SDK1: variants seen among roughly 807,000 people sequenced by gnomAD.
SDK1 encodes protein sidekick-1.
In SDK1, 157 loss-of-function variants were observed where a neutral mutation model predicts 245.5. That is an observed-to-expected ratio of 0.64 (90% CI 0.56 to 0.73). The LOEUF is 0.73. Ranked by LOEUF, SDK1 falls within the 30% of genes least tolerant of loss-of-function variation. The pLI is 0.00. For missense variants in SDK1, 3,583 were observed against 3,002.3 expected (o/e 1.19, Z -4.52); for synonymous variants, 1,647 against 1,278.5 (o/e 1.29, Z -6.15).
Position 3,561,398 on chromosome 7 carries a change from T to C in SDK1, c.299-57682T>C, listed in dbSNP as rs189595961. Among the ~76,000 whole-genome samples, 366 of 152,326 alleles carry C rather than the reference T, an allele frequency of 2.4e-3. 3 individuals carry two copies. Among genetic ancestry groups the C allele is most frequent in the South Asian group, 0.018 (85 of 4,820 alleles). ...AAGAAAGACACTGTCTCCTCTCTGG[T>C]CACTTGTTTGTTCCTGGGTTTCATA... On this transcript the variant is annotated intron_variant, in intron 1 of 44. Coordinates refer to ENST00000404826, the MANE Select transcript of SDK1 (RefSeq NM_152744.4).
intron 1 of SDK1, among the ~76,000 whole-genome samples, chr7:3,601,627 G>C (rs1343017673): frequency 6.6e-6 from 1 of 150,888 alleles, no homozygotes; most frequent in South Asian, 2.1e-4. Context: ...AGGTTTATCA[G>C]TTTTTTTCTC....
intron 21 of SDK1, among the ~76,000 whole-genome samples, chr7:4,078,358 C>T (rs377691428): frequency 6.6e-6 from 1 of 152,162 alleles, no homozygotes; most frequent in East Asian, 1.9e-4. Flanking sequence ...TTTAAAAATC[C>T]AGAGAGCTGA....
rs1384398002 is a variant in SDK1 at position 3,484,458 on chromosome 7, G to C, written c.299-134622G>C. On this transcript the variant is annotated intron_variant, in intron 1 of 44. Coordinates refer to ENST00000404826, the MANE Select transcript of SDK1 (RefSeq NM_152744.4). Reference sequence around the variant, plus strand: ...GGTCCTGGAACTAGTTCCCCATGTAGACCGAGGAACGGCTATATTTTCAGT... The same window carrying C: ...GGTCCTGGAACTAGTTCCCCATGTACACCGAGGAACGGCTATATTTTCAGT... 2.6e-5 allele frequency among the ~76,000 whole-genome samples: 4 copies of C among 152,178 alleles called. No homozygotes were observed. In the East Asian group the frequency reaches 5.8e-4, roughly 22 times the overall value.
chr7:4,122,322 G>A (rs1289442731), intron 25 of SDK1, among the ~76,000 whole-genome samples: 1 of 152,164 alleles, frequency 6.6e-6, no homozygotes, highest in Admixed American at 6.5e-5. Flanking sequence ...ATGGGGGGAG[G>A]CAGGGATGAG....
intron 4 of SDK1, among the ~76,000 whole-genome samples, chr7:3,727,365 G>T (rs930971416): frequency 9.2e-5 from 14 of 152,192 alleles, no homozygotes; most frequent in Non-Finnish European, 1.9e-4. Context: ...ATTCTGGAGA[G>T]AAAGTCTGAT....
intron 2 of SDK1, among the ~76,000 whole-genome samples, chr7:3,634,822 CTA>C (rs1157768800): frequency 6.6e-6 from 1 of 152,162 alleles, no homozygotes; most frequent in Non-Finnish European, 1.5e-5. Flanking sequence ...AATTTTGTCT[CTA>C]TTTCTGCTTC....
rs139658055 is a variant in SDK1 at position 4,019,571 on chromosome 7, C to G, written c.2602+2219C>G. On this transcript the variant is annotated intron_variant, in intron 17 of 44. Coordinates refer to ENST00000404826, the MANE Select transcript of SDK1 (RefSeq NM_152744.4). ...TTTCCCATATGTGATGAGAACCTGA[C>G]TTCGATTGGTCCAAATCTGGTTCAT... 2.0e-5 allele frequency among the ~76,000 whole-genome samples: 3 copies of G among 151,912 alleles called. No individual in the cohort carries two copies. In the South Asian group the frequency reaches 6.2e-4, roughly 32 times the overall value.
intron 13 of SDK1, among the ~76,000 whole-genome samples, chr7:3,986,305 A>G (rs1783821674): frequency 6.6e-6 from 1 of 151,846 alleles, no homozygotes; most frequent in South Asian, 2.1e-4. Context: ...ATGGGATTTT[A>G]GTGAGTGGTT....
intron 7 of SDK1, among the ~76,000 whole-genome samples, chr7:3,955,021 G>A (rs1032636471): frequency 1.3e-5 from 2 of 151,930 alleles, no homozygotes. Flanking sequence ...GCACCTTAGT[G>A]CCTGTGAGAT....
chr7:3,526,711 C>G (rs1039831162), intron 1 of SDK1, among the ~76,000 whole-genome samples: 1 of 152,128 alleles, frequency 6.6e-6, no homozygotes, highest in Non-Finnish European at 1.5e-5. Flanking sequence ...CAATCTGTCT[C>G]ATTTGTGTAT....
intron 1 of SDK1, among the ~76,000 whole-genome samples, chr7:3,460,832 A>C (rs1450294148): frequency 6.6e-6 from 1 of 152,182 alleles, no homozygotes; most frequent in Non-Finnish European, 1.5e-5. Flanking sequence ...TAGGTTATTC[A>C]TATTTCCTGC....
chr7:4,075,386 C>A (rs1010240535), intron 20 of SDK1, among the ~76,000 whole-genome samples: 1 of 152,156 alleles, frequency 6.6e-6, no homozygotes, highest in African/African-American at 2.4e-5. Flanking sequence ...TTCTTGTTTA[C>A]CTGCAAGTGC....
At chr7:4,049,488 GT>G in intron 18 of SDK1, 25 bp downstream of exon 18, 1 of 1,544,546 alleles carries the variant, frequency 6.5e-7, no homozygotes, top group Non-Finnish European at 9.0e-7. Flanking sequence ...TTCAGGGCCT[GT>G]GGGCAGCTGT....
At chr7:4,194,671 G>C (rs1395804519) in intron 35 of SDK1, among the ~76,000 whole-genome samples, 1 of 152,284 alleles carries the variant, frequency 6.6e-6, no homozygotes, top group African/African-American at 2.4e-5. Flanking sequence ...GGCTAGGCCA[G>C]TCTCACTCAT....
intron 1 of SDK1, among the ~76,000 whole-genome samples, chr7:3,403,783 C>T (rs368685319): frequency 7.3e-6 from 1 of 136,662 alleles, no homozygotes; most frequent in Non-Finnish European, 1.6e-5. Context: ...TACTGGGGTA[C>T]TCTGTTTCCA....
Position 4,019,658 on chromosome 7 carries a change from C to T in SDK1, c.2602+2306C>T, listed in dbSNP as rs548668511. 1.1e-4 allele frequency among the ~76,000 whole-genome samples: 17 copies of T among 152,026 alleles called. 1 individual carries two copies. The South Asian group carries it at 1.7e-3, about 15-fold the overall frequency. ...GTGAACGTTAGTGGATAATGCTGCA[C>T]GTGCAGTTTCCCATCTGCAGCTCGG... On this transcript the variant is annotated intron_variant, in intron 17 of 44. Coordinates refer to ENST00000404826, the MANE Select transcript of SDK1 (RefSeq NM_152744.4).
rs184512469 is a variant in SDK1, at chr7:4,118,863, A to G, written c.3823+4589A>G. Among the ~76,000 whole-genome samples, 87 of 149,056 alleles carry G rather than the reference A, an allele frequency of 5.8e-4. 6 individuals are homozygous for G. The highest frequency in any genetic ancestry group is 2.3e-3 in the Admixed American group (35 of 15,018). ...TTGTGTGATTCTATTTGTAGGAAAC[A>G]TCTAGAATAGGCAAATCTAGAGAGG... On this transcript the variant is annotated intron_variant, in intron 25 of 44. Transcript: ENST00000404826.
intron 17 of SDK1, among the ~76,000 whole-genome samples, chr7:4,032,264 A>G (rs1413102551): frequency 1.3e-5 from 2 of 152,222 alleles, no homozygotes; most frequent in African/African-American, 4.8e-5. Flanking sequence ...CCAAGAATGC[A>G]GTTTTGATAT....
At chr7:3,861,081 T>C (rs1488455034) in intron 5 of SDK1, among the ~76,000 whole-genome samples, 2 of 152,170 alleles carry the variant, frequency 1.3e-5, no homozygotes. Flanking sequence ...ATGTCCAAGC[T>C]CTGTAACCCT....
Sources: gnomAD v4.1 joint callset for allele counts (sites outside exome capture counted in the v4.1 genomes callset) on GRCh38, gnomAD v4.1.1 for gene constraint, MANE v1.5 for transcripts, NCBI Gene and HGNC (gene_info 2026-07-23, HGNC 2026-07-21) for gene names.